The following CISD2 variants were observed in gnomAD, a reference collection of about 807,000 sequenced individuals.
CISD2 encodes CDGSH iron-sulfur domain-containing protein 2.
In CISD2, 1 loss-of-function variant was observed where a neutral mutation model predicts 12.9. The ratio of observed to expected loss-of-function variants is 0.08; its 90% CI spans 0.03 to 0.37. CISD2 has a LOEUF of 0.37. Among genes scored for constraint, CISD2 ranks in the 10% least tolerant of loss-of-function variants. The probability of loss-of-function intolerance (pLI) is 0.99; values close to 1 mark genes in which losing one functional copy is unlikely to be tolerated. For missense variants in CISD2, 97 were observed against 163.1 expected, an observed-to-expected ratio of 0.59 and a Z score of 2.21; for synonymous variants, 50 against 60.6, an observed-to-expected ratio of 0.83 and a Z score of 0.81.
In CISD2 at chr4:102,874,270, C is replaced by G. The variant is rs530700196; in HGVS notation, c.103+5083C>G. 1.3e-4 allele frequency among the ~76,000 whole-genome samples: 20 copies of G among 152,100 alleles called. No homozygotes were observed. The South Asian group carries it at 3.9e-3, about 30-fold the overall frequency. ...TAACACATATTCTTACAACTGGGAGCTAAACATTGTGTATTCATGGACATG... is the reference window on the plus strand; with the variant it reads ...TAACACATATTCTTACAACTGGGAGGTAAACATTGTGTATTCATGGACATG... On this transcript the variant is annotated intron_variant, in intron 1 of 2. Transcript: ENST00000273986.
chr4:102,876,705 A>G (rs112978199), intron 1 of CISD2, among the ~76,000 whole-genome samples: 2,777 of 152,164 alleles, frequency 0.018, 79 homozygotes, highest in African/African-American at 0.06. Context: ...AGCCAAGATC[A>G]TGCCACTGCA....
chr4:102,878,456 A>T (rs1733640411), intron 1 of CISD2, among the ~76,000 whole-genome samples: 1 of 152,182 alleles, frequency 6.6e-6, no homozygotes. Flanking sequence ...TTGCATCATC[A>T]GACTGCAAAT....
intron 1 of CISD2, among the ~76,000 whole-genome samples, chr4:102,873,907 C>G (rs1733528091): frequency 1.3e-5 from 2 of 151,982 alleles, no homozygotes. Context: ...AGGCAGATCA[C>G]TTGAGGTTGG....
At chr4:102,876,062 A>G (rs779161076) in intron 1 of CISD2, among the ~76,000 whole-genome samples, 4 of 152,254 alleles carry the variant, frequency 2.6e-5, no homozygotes, top group Non-Finnish European at 4.4e-5. Flanking sequence ...AACAGTTACT[A>G]TAGTCTGTGA....
Position 102,888,788 on chromosome 4 carries a change from G to A in CISD2, c.*1358G>A, listed in dbSNP as rs1734073971. On this transcript the variant is annotated 3_prime_UTR_variant, in exon 3 of 3. Coordinates refer to ENST00000273986, the MANE Select transcript of CISD2 (RefSeq NM_001008388.5). ...CTCCGCCTCTGCTGGGCTCTGTAGG[G>A]AATCCTTTCTGTTGTAAAAGAGTTA... 6.6e-6 allele frequency: 1 copy of A among 152,208 alleles called. No homozygotes were observed. The highest frequency in any genetic ancestry group is 1.5e-5 in the Non-Finnish European group (1 of 68,044). 9.4% of individuals were successfully genotyped at this position (152,208 alleles called of 1,614,324 possible).
At position 102,889,992 on chromosome 4, in the gene CISD2, T is replaced by C. The variant is rs1481486840; in HGVS notation, c.*2562T>C. On this transcript the variant is annotated 3_prime_UTR_variant, in exon 3 of 3. Transcript: ENST00000273986. ...ACAGCCCTGTTGTTACTGCGTCACA[T>C]GATTGTTTTGAGGACTGCTTCTGCT... is the stretch of plus-strand genomic sequence containing the variant. 1.3e-5 allele frequency: 2 copies of C among 151,596 alleles called. No homozygotes were observed. Among genetic ancestry groups the C allele is most frequent in the Non-Finnish European group, 2.9e-5 (2 of 67,920 alleles). 9.4% of individuals were successfully genotyped at this position (151,596 alleles called of 1,614,324 possible).
intron 1 of CISD2, 186 bp downstream of exon 1, chr4:102,869,373 G>C (rs918092833): frequency 2.6e-6 from 2 of 776,372 alleles, no homozygotes; most frequent in Non-Finnish European, 4.4e-6. Flanking sequence ...CAGTCTCCGG[G>C]TGCTTGATGC....
Position 102,872,513 on chromosome 4 carries a change from C to T in CISD2, c.103+3326C>T, listed in dbSNP as rs1224758311. On this transcript the variant is annotated intron_variant, in intron 1 of 2. Coordinates refer to ENST00000273986, the MANE Select transcript of CISD2 (RefSeq NM_001008388.5). ...TGTTATAAAATAACTAGCAACCAAG[C>T]TGCCAGTATTATTTTTATGGTATCA... is the stretch of plus-strand genomic sequence containing the variant. Among the ~76,000 whole-genome samples, 10 of 152,226 alleles carry T rather than the reference C, an allele frequency of 6.6e-5. No individual in the cohort carries two copies. In the East Asian group the frequency reaches 1.9e-3, roughly 29 times the overall value.
At chr4:102,884,498 A>G (rs1733811215) in intron 1 of CISD2, among the ~76,000 whole-genome samples, 1 of 152,198 alleles carries the variant, frequency 6.6e-6, no homozygotes, top group Non-Finnish European at 1.5e-5. Context: ...TGATAAATGT[A>G]TGTTGAAATG....
chr4:102,891,444 GTC>G lies in CISD2; in HGVS notation c.*4018_*4019del, dbSNP rs1483099661. The G allele has an allele frequency of 1.3e-5, 2 of 152,190 alleles. No homozygotes were observed. The highest frequency in any genetic ancestry group is 2.9e-5 in the Non-Finnish European group (2 of 68,036). The allele number at this position is 152,190 out of a possible 1,614,324, so 9.4% of individuals were successfully genotyped here. ...AATTTATAGGATTCTGCATACAACTGTCTCTGAGGACATCACTGTGATCAAAT... is the reference window on the plus strand; with the variant it reads ...AATTTATAGGATTCTGCATACAACTGTCTGAGGACATCACTGTGATCAAAT... On this transcript the variant is annotated 3_prime_UTR_variant, in exon 3 of 3. Coordinates refer to ENST00000273986, the MANE Select transcript of CISD2 (RefSeq NM_001008388.5).
chr4:102,887,423 AAGT>A lies in CISD2; in HGVS notation c.403_405del (p.Val135del). On this transcript the variant is annotated inframe_deletion, in exon 3 of 3. Coordinates refer to ENST00000273986, the MANE Select transcript of CISD2 (RefSeq NM_001008388.5). ...GGTCCACTAATACTGAAGAAGAAAGAAGTATAATAATAATAACAATATTTTCTC... is the reference window on the plus strand; with the variant it reads ...GGTCCACTAATACTGAAGAAGAAAGAATAATAATAATAACAATATTTTCTC... 1.0e-6 allele frequency: 1 copy of A among 997,110 alleles called. No homozygotes were observed. Among genetic ancestry groups the A allele is most frequent in the Non-Finnish European group, 1.6e-6 (1 of 630,226 alleles). 61.8% of individuals were successfully genotyped at this position (997,110 alleles called of 1,614,324 possible).
At chr4:102,885,858 T>C (rs148656889) in intron 2 of CISD2, among the ~76,000 whole-genome samples, 3 of 152,320 alleles carry the variant, frequency 2.0e-5, no homozygotes, top group Admixed American at 2.0e-4. Context: ...ACATTACATA[T>C]CTTTGAGAAG....
chr4:102,869,242 A>G (rs1733348902), intron 1 of CISD2, 55 bp downstream of exon 1: 1 of 1,555,802 alleles, frequency 6.4e-7, no homozygotes, highest in Non-Finnish European at 8.7e-7. Flanking sequence ...AAGCGGGGGA[A>G]GGAGGCGTAA....
chr4:102,876,253 CAAAAG>C (rs1401681561), intron 1 of CISD2, among the ~76,000 whole-genome samples: 1 of 152,088 alleles, frequency 6.6e-6, no homozygotes, highest in African/African-American at 2.4e-5. Flanking sequence ...GCTTTACAGA[CAAAAG>C]AAACCTGGTT....
chr4:102,869,030 G>A lies in CISD2; in HGVS notation c.-55G>A. 6.5e-7 allele frequency: 1 copy of A among 1,530,886 alleles called. No individual in the cohort carries two copies. The highest frequency in any genetic ancestry group is 8.8e-7 in the Non-Finnish European group (1 of 1,138,342). The allele number at this position is 1,530,886 out of a possible 1,614,324, so 94.8% of individuals were successfully genotyped here. A position where few individuals can be genotyped will look rare whatever the true frequency, so the allele number is the denominator to read the frequency against. ...CGCTTCCGCTCCCGGCGCAGGCGCG[G>A]CAGCTTGGCCAGAGCGGAGGGGGCT... On this transcript the variant is annotated 5_prime_UTR_variant, in exon 1 of 3. Transcript: ENST00000273986.
intron 1 of CISD2, among the ~76,000 whole-genome samples, chr4:102,881,818 G>A (rs1037663484): frequency 2.5e-4 from 38 of 152,140 alleles, no homozygotes; most frequent in African/African-American, 7.7e-4. Context: ...TTTCTGAAGT[G>A]GATTTTAAAA....
chr4:102,869,155 C>T lies in CISD2; in HGVS notation c.71C>T (p.Pro24Leu). 7.4e-6 allele frequency: 12 copies of T among 1,612,240 alleles called. No homozygotes were observed. The highest frequency in any genetic ancestry group is 2.2e-5 in the East Asian group (1 of 44,814). ...LPAYLKRLPV[P>L]ESITGFARLT... ...GCATATCTGAAGCGGCTCCCAGTCC[C>T]TGAAAGCATTACCGGGTTCGCTAGG... The change falls in exon 1 of 3, where the codon CCT (proline) becomes CTT (leucine). Residue 24 changes from proline to leucine, a missense_variant. By Grantham distance (98) the Pro-to-Leu change is moderately conservative (BLOSUM62 -3). Transcript: ENST00000273986.
chr4:102,869,353 G>T (rs1031066921), intron 1 of CISD2, 166 bp downstream of exon 1: 2 of 884,000 alleles, frequency 2.3e-6, no homozygotes, highest in East Asian at 2.6e-5. Flanking sequence ...CCTGGGGAAC[G>T]CCTGTGAGGC....
rs900000733 is a variant in CISD2, at chr4:102,888,484, G to A, written c.*1054G>A. 42 of 152,182 alleles carry A rather than the reference G, an allele frequency of 2.8e-4. No individual in the cohort carries two copies. Among genetic ancestry groups the A allele is most frequent in the African/African-American group, 9.9e-4 (41 of 41,448 alleles). 9.4% of individuals were successfully genotyped at this position (152,182 alleles called of 1,614,324 possible). A position where few individuals can be genotyped will look rare whatever the true frequency, so the allele number is the denominator to read the frequency against. On this transcript the variant is annotated 3_prime_UTR_variant, in exon 3 of 3. Transcript: ENST00000273986. ...GCATTTGATTGAAAAAAGTATGCGC[G>A]TAATTGTACCCACCCAGTTCAAACC...
Sources: allele counts gnomAD v4.1 joint callset (sites outside exome capture counted in the v4.1 genomes callset), GRCh38; gene constraint gnomAD v4.1.1; transcripts MANE v1.5; gene names NCBI Gene and HGNC (gene_info 2026-07-23, HGNC 2026-07-21).